The following SMARCC1 variants were observed in gnomAD, a reference collection of about 807,000 sequenced individuals.
SMARCC1 encodes SWI/SNF complex subunit SMARCC1.
Under a neutral mutation model 147.4 loss-of-function variants are expected in SMARCC1, and 43 were observed. That is an observed-to-expected ratio of 0.29 (90% CI 0.23 to 0.38). The LOEUF (loss-of-function observed/expected upper bound fraction) is 0.38. SMARCC1 is among the 10% of genes least tolerant of loss of function. SMARCC1 has a pLI of 1.00. For missense variants in SMARCC1, 1,119 were observed against 1,381.1 expected, an observed-to-expected ratio of 0.81 and a Z score of 3.01; for synonymous variants, 495 against 484.4, an observed-to-expected ratio of 1.02 and a Z score of -0.29.
intron 21 of SMARCC1, among the ~76,000 whole-genome samples, chr3:47,645,241 T>TTAAA (rs2033102960): frequency 1.3e-5 from 2 of 151,320 alleles, no homozygotes; most frequent in African/African-American, 4.9e-5. Context: ...CACTGAGCTG[T>TTAAA]GTTCATGCCA....
intron 2 of SMARCC1, among the ~76,000 whole-genome samples, chr3:47,756,050 C>T (rs1001714169): frequency 2.0e-5 from 3 of 147,202 alleles, no homozygotes; most frequent in African/African-American, 7.6e-5. Flanking sequence ...CGCCTATAAT[C>T]CCAGCTACAG....
At chr3:47,650,382 T>C (rs2033176147) in intron 21 of SMARCC1, among the ~76,000 whole-genome samples, 1 of 151,336 alleles carries the variant, frequency 6.6e-6, no homozygotes, top group Non-Finnish European at 1.5e-5. Context: ...TGAACCTAAC[T>C]AGTAGGTATA....
Position 47,781,780 on chromosome 3 carries a change from GC to G in SMARCC1, c.17del (p.Gly6AlafsTer9). On this transcript the variant is annotated frameshift_variant, in exon 1 of 28. Transcript: ENST00000254480. LOFTEE classifies it high-confidence loss of function. Reference protein sequence around the residue: MAAAAGGGGPGTAVGA... With the variant: MAAAAXGGGPGTAVGA... ...CTACCGCTGTCCCCGGCCCGCCGCC[GC>G]CCGCCGCTGCGGCCATCGTCGCAGC... is the stretch of plus-strand genomic sequence containing the variant. 6.9e-7 allele frequency: 1 copy of G among 1,448,856 alleles called. No individual in the cohort carries two copies. Among genetic ancestry groups the G allele is most frequent in the South Asian group, 1.4e-5 (1 of 72,914 alleles). The allele number at this position is 1,448,856 out of a possible 1,614,324, so 89.8% of individuals were successfully genotyped here.
intron 24 of SMARCC1, among the ~76,000 whole-genome samples, chr3:47,631,344 G>A (rs2032887834): frequency 6.6e-6 from 1 of 152,150 alleles, no homozygotes; most frequent in African/African-American, 2.4e-5. Flanking sequence ...TAAATTCAAA[G>A]GAAATATCTG....
intron 24 of SMARCC1, 73 bp downstream of exon 24, chr3:47,635,117 T>TC: frequency 7.5e-7 from 1 of 1,326,306 alleles, no homozygotes; most frequent in Non-Finnish European, 1.1e-6. Context: ...TACTAAATGT[T>TC]CCCAATTAAC....
chr3:47,663,412 T>C (rs2033377866), intron 19 of SMARCC1, among the ~76,000 whole-genome samples: 2 of 152,068 alleles, frequency 1.3e-5, no homozygotes, highest in Admixed American at 1.3e-4. Flanking sequence ...CCATACATAA[T>C]AGCAATGAAC....
In SMARCC1 at chr3:47,736,144, A is replaced by T; in HGVS notation, c.484-18T>A. 7.4e-7 allele frequency: 1 copy of T among 1,359,378 alleles called. No individual in the cohort carries two copies. Among genetic ancestry groups the T allele is most frequent in the Non-Finnish European group, 1.0e-6 (1 of 964,490 alleles). The allele number at this position is 1,359,378 out of a possible 1,614,324, so 84.2% of individuals were successfully genotyped here. On this transcript the variant is annotated intron_variant, in intron 4 of 27. Coordinates refer to ENST00000254480, the MANE Select transcript of SMARCC1 (RefSeq NM_003074.4). Reference sequence around the variant, plus strand: ...CAATTGTTCTGAGGATGAAAAGAACAGACTTTCAAATTCTCTTAGTTTTGA... The same window carrying T: ...CAATTGTTCTGAGGATGAAAAGAACTGACTTTCAAATTCTCTTAGTTTTGA...
chr3:47,681,737 C>T (rs908832999), intron 14 of SMARCC1, among the ~76,000 whole-genome samples: 1 of 152,010 alleles, frequency 6.6e-6, no homozygotes, highest in African/African-American at 2.4e-5. Flanking sequence ...CAATGAATTA[C>T]CGGCAAACTT....
intron 6 of SMARCC1, among the ~76,000 whole-genome samples, chr3:47,723,747 T>C (rs1055632695): frequency 6.6e-6 from 1 of 151,628 alleles, no homozygotes; most frequent in Non-Finnish European, 1.5e-5. Flanking sequence ...GAGGTGGAGG[T>C]TGCAGCGAGC....
intron 16 of SMARCC1, 107 bp downstream of exon 16, chr3:47,678,091 A>C: frequency 2.0e-6 from 1 of 501,388 alleles, no homozygotes; most frequent in Non-Finnish European, 3.6e-6. Context: ...AACTAAAATT[A>C]GGTGTTTTAC....
chr3:47,610,373 T>G (rs752319408), intron 25 of SMARCC1, 46 bp from the exon 26 acceptor site: 3 of 1,609,578 alleles, frequency 1.9e-6, no homozygotes, highest in Admixed American at 1.7e-5. Context: ...GAAGAGGCTT[T>G]CAGGATTGGA....
intron 21 of SMARCC1, among the ~76,000 whole-genome samples, chr3:47,647,987 A>G (rs181075321): frequency 2.8e-4 from 43 of 152,204 alleles, no homozygotes; most frequent in Non-Finnish European, 5.6e-4. Flanking sequence ...GCTCACTGAC[A>G]TTCTAAACCT....
intron 6 of SMARCC1, among the ~76,000 whole-genome samples, chr3:47,723,461 G>A (rs1350327601): frequency 7.0e-6 from 1 of 142,614 alleles, no homozygotes; most frequent in Non-Finnish European, 1.5e-5. Flanking sequence ...GTGACGGAAT[G>A]AAATTCTGTC....
chr3:47,590,981 T>G, intron 26 of SMARCC1, 144 bp from the exon 27 acceptor site: 14 of 735,160 alleles, frequency 1.9e-5, no homozygotes, highest in Non-Finnish European at 3.0e-5. Flanking sequence ...TAATAATCTC[T>G]ATGTTTAGCT....
In SMARCC1 at chr3:47,651,846, C is replaced by A. The variant is rs28489183; in HGVS notation, c.2320+9448G>T. Among the ~76,000 whole-genome samples the A allele has an allele frequency of 4.4e-3, 675 of 152,292 alleles. 5 individuals are homozygous for A. Among genetic ancestry groups the A allele is most frequent in the South Asian group, 0.032 (155 of 4,826 alleles). On this transcript the variant is annotated intron_variant, in intron 21 of 27. Transcript: ENST00000254480. ...TTTGGTTTACTTTGTTTACCAGTAT[C>A]CTAGCATCCAGAACACAAAGAAATG...
chr3:47,681,758 A>AATT (rs2033647174), intron 14 of SMARCC1, among the ~76,000 whole-genome samples: 1 of 152,200 alleles, frequency 6.6e-6, no homozygotes, highest in Non-Finnish European at 1.5e-5. Flanking sequence ...CTAGAAAGAT[A>AATT]ATTTCTAAGA....
chr3:47,638,621 G>T, intron 22 of SMARCC1, 104 bp downstream of exon 22: 1 of 767,714 alleles, frequency 1.3e-6, no homozygotes, highest in Non-Finnish European at 2.3e-6. Context: ...GTAGCTGATA[G>T]AATTATTTAG....
At position 47,780,594 on chromosome 3, in the gene SMARCC1, T is replaced by C. The variant is rs187570852; in HGVS notation, c.195+1009A>G. ...CTAAACTAGTTTATGTTTTCATTCA[T>C]TCAACAAATATTTACTAAGCAGCCA... On this transcript the variant is annotated intron_variant, in intron 1 of 27. Coordinates refer to ENST00000254480, the MANE Select transcript of SMARCC1 (RefSeq NM_003074.4). 1.6e-3 allele frequency among the ~76,000 whole-genome samples: 245 copies of C among 152,304 alleles called. 1 individual carries two copies. Among genetic ancestry groups the C allele is most frequent in the African/African-American group, 5.5e-3 (227 of 41,578 alleles).
At chr3:47,650,836 TAAAG>T (rs1324272179) in intron 21 of SMARCC1, among the ~76,000 whole-genome samples, 1 of 151,824 alleles carries the variant, frequency 6.6e-6, no homozygotes, top group South Asian at 2.1e-4. Flanking sequence ...TAAAAATAAA[TAAAG>T]AAAAGTTTAA....
Sources: gnomAD v4.1 joint callset for allele counts (sites outside exome capture counted in the v4.1 genomes callset) on GRCh38, gnomAD v4.1.1 for gene constraint, MANE v1.5 for transcripts, NCBI Gene and HGNC (gene_info 2026-07-23, HGNC 2026-07-21) for gene names.